The following DAPP1 variants were observed in gnomAD, a reference collection of about 807,000 sequenced individuals.
The protein encoded by DAPP1 is dual adaptor of phosphotyrosine and 3-phosphoinositides 1.
A neutral mutation model predicts 41.5 loss-of-function variants in DAPP1; 20 were observed. The observed-to-expected ratio is 0.48, with a 90% CI of 0.34 to 0.70. The LOEUF (loss-of-function observed/expected upper bound fraction) is 0.70. DAPP1 is among the 30% of genes least tolerant of loss of function. DAPP1 has a pLI of 0.01. For missense variants in DAPP1, 233 were observed against 333.4 expected, an observed-to-expected ratio of 0.70 and a Z score of 2.35; for synonymous variants, 113 against 116.2, an observed-to-expected ratio of 0.97 and a Z score of 0.18.
At chr4:99,840,250 T>C in intron 2 of DAPP1, 39 bp from the exon 3 acceptor site, 1 of 1,345,982 alleles carries the variant, frequency 7.4e-7, no homozygotes, top group South Asian at 1.4e-5. Context: ...AAGATATTTA[T>C]TTGTTAAATA....
chr4:99,853,312 A>G lies in DAPP1; in HGVS notation c.453A>G (p.Gly151=). The G allele has an allele frequency of 6.2e-7, 1 of 1,611,946 alleles. No individual in the cohort carries two copies. The part of the protein sequence containing the change: ...SVRVHTAMQT[G]RTEDDLVPTA... The stretch of plus-strand genomic sequence containing the variant: ...GGGTTCACACAGCAATGCAGACAGG[A>G]AGAACAGAAGATGACCTTGTGCCCA... The change falls in exon 4 of 9, where the codon GGA becomes GGG. Residue 151 remains glycine (G), a synonymous_variant. Coordinates refer to ENST00000512369, the MANE Select transcript of DAPP1 (RefSeq NM_014395.3).
At chr4:99,856,588 A>G (rs572503512) in intron 4 of DAPP1, among the ~76,000 whole-genome samples, 2 of 152,286 alleles carry the variant, frequency 1.3e-5, no homozygotes, top group East Asian at 3.9e-4. Flanking sequence ...ATTTAGAAAT[A>G]TGAGTGTTTC....
At chr4:99,821,001 G>T (rs1290995713) in intron 1 of DAPP1, among the ~76,000 whole-genome samples, 1 of 152,298 alleles carries the variant, frequency 6.6e-6, no homozygotes, top group East Asian at 1.9e-4. Context: ...TAAACAAAAT[G>T]AGTCCGTATT....
At chr4:99,839,407 G>GAT (rs939469517) in intron 2 of DAPP1, among the ~76,000 whole-genome samples, 93 of 148,094 alleles carry the variant, frequency 6.3e-4, no homozygotes, top group African/African-American at 2.1e-3. Flanking sequence ...GATATCTATA[G>GAT]ATATATATAT....
In DAPP1 at chr4:99,868,341, C is replaced by T. The variant is rs183386949; in HGVS notation, c.*156C>T. On this transcript the variant is annotated 3_prime_UTR_variant, in exon 9 of 9. Transcript: ENST00000512369. Reference sequence around the variant, plus strand: ...TGATTGGGACCCATATACCACGTTGCTGACTCACGTTGCTGCCCTTCCATG... The same window carrying T: ...TGATTGGGACCCATATACCACGTTGTTGACTCACGTTGCTGCCCTTCCATG... 529 of 651,532 alleles carry T rather than the reference C, an allele frequency of 8.1e-4. 3 individuals carry two copies. Among genetic ancestry groups the T allele is most frequent in the African/African-American group, 8.1e-3 (445 of 55,060 alleles). 40.4% of individuals were successfully genotyped at this position (651,532 alleles called of 1,614,324 possible).
intron 4 of DAPP1, among the ~76,000 whole-genome samples, chr4:99,855,304 A>G (rs751683087): frequency 1.3e-5 from 2 of 152,032 alleles, no homozygotes; most frequent in Non-Finnish European, 2.9e-5. Context: ...CACTTCCCCT[A>G]AAGATCTCCA....
At chr4:99,848,230 ATT>A (rs57214417) in intron 3 of DAPP1, among the ~76,000 whole-genome samples, 5 of 139,900 alleles carry the variant, frequency 3.6e-5, no homozygotes, top group Non-Finnish European at 3.1e-5. Context: ...CAGGAGCAGA[ATT>A]TTTTTTTTTT....
At position 99,868,128 on chromosome 4, in the gene DAPP1, A is replaced by G. The variant is rs1313597295; in HGVS notation, c.786A>G (p.Arg262=). 1 of 1,613,796 alleles carries G rather than the reference A, an allele frequency of 6.2e-7. No homozygotes were observed. Among genetic ancestry groups the G allele is most frequent in the Non-Finnish European group, 8.5e-7 (1 of 1,179,818 alleles). ...GTACTTTATTACAGTCACAAATAAG[A>G]AAACAGCTCAACCAAGGGGAAGGCA... ...KILRWKLSQI[R]KQLNQGEGTI... The change falls in exon 9 of 9, where the codon AGA becomes AGG. Residue 262 remains arginine (R), a synonymous_variant. Transcript: ENST00000512369.
intron 3 of DAPP1, among the ~76,000 whole-genome samples, chr4:99,846,637 T>C (rs1723673668): frequency 6.6e-6 from 1 of 152,238 alleles, no homozygotes; most frequent in Admixed American, 6.5e-5. Flanking sequence ...TAGGGACAAT[T>C]GAATTTGCAT....
chr4:99,866,389 G>T (rs998742168), intron 8 of DAPP1, among the ~76,000 whole-genome samples: 46 of 152,140 alleles, frequency 3.0e-4, no homozygotes, highest in African/African-American at 1.1e-3. Context: ...TTCCTATAAG[G>T]TGTGTCAGTT....
chr4:99,821,866 C>G (rs995583306), intron 1 of DAPP1, among the ~76,000 whole-genome samples: 2 of 152,186 alleles, frequency 1.3e-5, no homozygotes, highest in Non-Finnish European at 2.9e-5. Flanking sequence ...TACACAAAGC[C>G]AGGCCAGCAT....
At chr4:99,820,325 A>T (rs1722730387) in intron 1 of DAPP1, among the ~76,000 whole-genome samples, 1 of 152,250 alleles carries the variant, frequency 6.6e-6, no homozygotes. Context: ...TAGTTAAATT[A>T]CTGAAAATTC....
intron 1 of DAPP1, among the ~76,000 whole-genome samples, chr4:99,825,087 C>T (rs1722894704): frequency 6.6e-6 from 1 of 152,134 alleles, no homozygotes; most frequent in Non-Finnish European, 1.5e-5. Flanking sequence ...TCATTGTTTT[C>T]TCTGCCCCTG....
Position 99,861,626 on chromosome 4 carries a change from G to A in DAPP1, c.537+1G>A, listed in dbSNP as rs1354534207. The A allele has an allele frequency of 2.5e-6, 4 of 1,571,034 alleles. No individual in the cohort carries two copies. Among genetic ancestry groups the A allele is most frequent in the Non-Finnish European group, 2.6e-6 (3 of 1,157,166 alleles). Reference sequence around the variant, plus strand: ...CACCAAACAGGGAGGCCTGGTCAAGGTAAGGAAGTGTGGTTTTGCTCATGC... The same window carrying A: ...CACCAAACAGGGAGGCCTGGTCAAGATAAGGAAGTGTGGTTTTGCTCATGC... On this transcript the variant is annotated splice_donor_variant, in intron 5 of 8. Coordinates refer to ENST00000512369, the MANE Select transcript of DAPP1 (RefSeq NM_014395.3). LOFTEE classifies it high-confidence loss of function.
chr4:99,857,601 C>A (rs974296609), intron 4 of DAPP1, among the ~76,000 whole-genome samples: 1 of 151,340 alleles, frequency 6.6e-6, no homozygotes, highest in Non-Finnish European at 1.5e-5. Context: ...GCACGTTGCC[C>A]TTTTCCAGTA....
At chr4:99,819,753 G>A (rs1722704706) in intron 1 of DAPP1, among the ~76,000 whole-genome samples, 1 of 146,992 alleles carries the variant, frequency 6.8e-6, no homozygotes, top group African/African-American at 2.4e-5. Flanking sequence ...TTACGTTTAT[G>A]TTTTTGATAG....
chr4:99,845,390 C>T (rs1723634109), intron 3 of DAPP1, among the ~76,000 whole-genome samples: 1 of 152,320 alleles, frequency 6.6e-6, no homozygotes, highest in East Asian at 1.9e-4. Context: ...CTGGGCTAAC[C>T]TGGTCCTGAA....
intron 4 of DAPP1, among the ~76,000 whole-genome samples, chr4:99,859,387 A>G (rs1724160181): frequency 6.6e-6 from 1 of 152,104 alleles, no homozygotes; most frequent in Non-Finnish European, 1.5e-5. Context: ...CTATGTGCTT[A>G]TTGTTATCAG....
chr4:99,863,682 A>C (rs1252234107), intron 6 of DAPP1, 88 bp from the exon 7 acceptor site: 4 of 842,674 alleles, frequency 4.7e-6, no homozygotes, highest in South Asian at 3.2e-5. Context: ...ATAGTGGAAA[A>C]CTTGTGAGGG....
Sources: allele counts gnomAD v4.1 joint callset (sites outside exome capture counted in the v4.1 genomes callset), GRCh38; gene constraint gnomAD v4.1.1; transcripts MANE v1.5; gene names NCBI Gene and HGNC (gene_info 2026-07-23, HGNC 2026-07-21).